The following TIAM2 variants were observed in gnomAD, a reference collection of about 807,000 sequenced individuals.
TIAM2 encodes TIAM Rac1 associated GEF 2, also known as rho guanine nucleotide exchange factor TIAM2.
Under a neutral mutation model 152.9 loss-of-function variants are expected in TIAM2, and 80 were observed. The ratio of observed to expected loss-of-function variants is 0.52; its 90% CI spans 0.44 to 0.63. The LOEUF (loss-of-function observed/expected upper bound fraction) is 0.63. Ranked by LOEUF, TIAM2 falls within the 30% of genes least tolerant of loss-of-function variation. The pLI, the probability that TIAM2 is intolerant of heterozygous loss-of-function variation, is 0.00. For missense variants in TIAM2, 1,965 were observed against 2,120.1 expected (o/e 0.93, Z 1.44); for synonymous variants, 804 against 838.0 (o/e 0.96, Z 0.70).
In TIAM2 at chr6:155,249,981, ATC is replaced by A. The variant is rs748818058; in HGVS notation, c.3951+14_3951+15del. On this transcript the variant is annotated intron_variant, in intron 21 of 26. Coordinates refer to ENST00000682666, the MANE Select transcript of TIAM2 (RefSeq NM_012454.4). Reference sequence around the variant, plus strand: ...GAACAGAGAAGGAGGTCCGTGAGACATCTGCACCCTGGGAGCCTAGTGCATGT... The same window carrying A: ...GAACAGAGAAGGAGGTCCGTGAGACATGCACCCTGGGAGCCTAGTGCATGT... The A allele has an allele frequency of 6.9e-5, 111 of 1,600,780 alleles. No homozygotes were observed. The African/African-American group carries it at 1.4e-3, about 20-fold the overall frequency.
intron 16 of TIAM2, among the ~76,000 whole-genome samples, chr6:155,241,921 T>C (rs1350347371): frequency 6.6e-6 from 1 of 152,214 alleles, no homozygotes; most frequent in Non-Finnish European, 1.5e-5. Context: ...CATGGAGCTC[T>C]TGCCCCAAGA....
intron 1 of TIAM2, among the ~76,000 whole-genome samples, chr6:155,019,601 C>T (rs538056944): frequency 9.7e-4 from 148 of 152,312 alleles, no homozygotes; most frequent in African/African-American, 3.5e-3. Context: ...TCCCCAAATA[C>T]GGCTTTTTGT....
At chr6:155,178,239 T>A in intron 10 of TIAM2, among the ~76,000 whole-genome samples, 1 of 151,200 alleles carries the variant, frequency 6.6e-6, no homozygotes. Context: ...GAGATAAATT[T>A]CTCACTGTTG....
At position 155,256,493 on chromosome 6, in the gene TIAM2, G is replaced by T; in HGVS notation, c.4478G>T (p.Arg1493Met). Residue 1493 changes from arginine (R) to methionine (M), a missense_variant, in exon 27 of 27, where the codon AGG becomes ATG. By Grantham distance (91) the Arg-to-Met change is moderately conservative (BLOSUM62 -1). Around this residue, in one of 3 missense-constraint regions of TIAM2, gnomAD observed 935 missense variants for 980.0 expected, o/e 0.95. Coordinates refer to ENST00000682666, the MANE Select transcript of TIAM2 (RefSeq NM_012454.4). ...VPVSAKLASS[R>M]SLKVLKNSSS... ...GTTTTTCTCACTGTAGCTTCATCCAGGTCTTTAAAAGTCCTGAAGAATTCC... is the reference window on the plus strand; with the variant it reads ...GTTTTTCTCACTGTAGCTTCATCCATGTCTTTAAAAGTCCTGAAGAATTCC... 1 of 1,614,152 alleles carries T rather than the reference G, an allele frequency of 6.2e-7. No individual in the cohort carries two copies. The highest frequency in any genetic ancestry group is 8.5e-7 in the Non-Finnish European group (1 of 1,180,032).
intron 10 of TIAM2, among the ~76,000 whole-genome samples, chr6:155,178,077 C>T (rs1780797205): frequency 6.6e-6 from 1 of 150,380 alleles, no homozygotes; most frequent in African/African-American, 2.5e-5. Flanking sequence ...AGGAGAATGG[C>T]GTCAACCTGG....
At chr6:155,153,904 G>A (rs1780038390) in intron 7 of TIAM2, among the ~76,000 whole-genome samples, 1 of 152,136 alleles carries the variant, frequency 6.6e-6, no homozygotes. Context: ...TTACAGGCGT[G>A]AAACCACTAT....
At chr6:155,087,551 C>T (rs1778199005) in intron 1 of TIAM2, among the ~76,000 whole-genome samples, 1 of 151,998 alleles carries the variant, frequency 6.6e-6, no homozygotes, top group South Asian at 2.1e-4. Context: ...GAGTTCGAGA[C>T]CAGCCTGGCC....
chr6:155,003,780 G>T (rs1015488332), intron 1 of TIAM2, among the ~76,000 whole-genome samples: 1 of 152,160 alleles, frequency 6.6e-6, no homozygotes, highest in Admixed American at 6.5e-5. Context: ...CCACGGTGGG[G>T]CAGGGAGGAG....
intron 4 of TIAM2, among the ~76,000 whole-genome samples, chr6:155,133,969 G>A (rs927593156): frequency 2.6e-5 from 4 of 152,018 alleles, no homozygotes; most frequent in African/African-American, 9.7e-5. Flanking sequence ...CACCCTCCTC[G>A]GCCTCCCAAA....
At chr6:154,999,853 A>G (rs1173184504) in intron 1 of TIAM2, among the ~76,000 whole-genome samples, 2 of 151,588 alleles carry the variant, frequency 1.3e-5, no homozygotes, top group African/African-American at 2.4e-5. Flanking sequence ...TAATTTTTGC[A>G]TTTTTAGTAC....
rs199611880 is a variant in TIAM2, at chr6:155,137,369, A to G, written c.1387A>G (p.Met463Val). 5.0e-6 allele frequency: 8 copies of G among 1,614,220 alleles called. No homozygotes were observed. In the East Asian group the frequency reaches 1.8e-4, roughly 36 times the overall value. Residue 463 changes from methionine to valine, a missense_variant, in exon 5 of 27, where the codon ATG becomes GTG. Around this residue, in one of 3 missense-constraint regions of TIAM2, gnomAD observed 1,025 missense variants for 1,119.4 expected, o/e 0.92. Coordinates refer to ENST00000682666, the MANE Select transcript of TIAM2 (RefSeq NM_012454.4). ...CCGGCAGAACATTTATGAGAATTTC[A>G]TGCGAGAGTTGGAAATGAGCAGGAC... is the stretch of plus-strand genomic sequence containing the variant. ...PLRQNIYENFMRELEMSRTNT... is the reference protein window; with the variant it reads ...PLRQNIYENFVRELEMSRTNT...
intron 22 of TIAM2, 44 bp from the exon 23 acceptor site, chr6:155,251,901 G>A (rs372966542): frequency 1.1e-4 from 170 of 1,497,056 alleles, no homozygotes; most frequent in Middle Eastern, 4.1e-4. Context: ...CCTTGGAAGA[G>A]TTTGCATAAA....
At position 155,157,651 on chromosome 6, in the gene TIAM2, G is replaced by A. The variant is rs551966203; in HGVS notation, c.2029-6764G>A. ...TAAGTACCGTGCACTAACTGATTGC[G>A]CCACTGGAGCACCAAGAAGTGCATT... On this transcript the variant is annotated intron_variant, in intron 7 of 26. Transcript: ENST00000682666. Among the ~76,000 whole-genome samples, 37 of 152,168 alleles carry A rather than the reference G, an allele frequency of 2.4e-4. 3 individuals are homozygous for A. The highest frequency in any genetic ancestry group is 8.4e-4 in the African/African-American group (35 of 41,516).
chr6:155,243,986 G>A, intron 16 of TIAM2, 25 bp from the exon 17 acceptor site: 1 of 1,605,492 alleles, frequency 6.2e-7, no homozygotes, highest in Non-Finnish European at 8.5e-7. Flanking sequence ...AAGCGTTGAA[G>A]ACACTTTCTT....
At chr6:155,169,153 G>A (rs1261721699) in intron 9 of TIAM2, among the ~76,000 whole-genome samples, 1 of 151,954 alleles carries the variant, frequency 6.6e-6, no homozygotes, top group Admixed American at 6.6e-5. Context: ...CCGCCACCAC[G>A]CCCGGCTAAT....
chr6:155,114,031 TATA>T (rs1184547670), intron 2 of TIAM2, among the ~76,000 whole-genome samples: 13 of 52,466 alleles, frequency 2.5e-4, no homozygotes, highest in African/African-American at 8.7e-4. Context: ...TATATATATA[TATA>T]TATTTTTTTT....
Position 155,254,242 on chromosome 6 carries a change from T to A in TIAM2, c.4314-177T>A, listed in dbSNP as rs1452052193. 2.9e-6 allele frequency: 3 copies of A among 1,024,922 alleles called. No individual in the cohort carries two copies. In the African/African-American group the frequency reaches 4.9e-5, roughly 17 times the overall value. 63.5% of individuals were successfully genotyped at this position (1,024,922 alleles called of 1,614,324 possible). A position where few individuals can be genotyped will look rare whatever the true frequency, so the allele number is the denominator to read the frequency against. On this transcript the variant is annotated intron_variant, in intron 25 of 26. Transcript: ENST00000682666. ...TGTTGATTAAATAAATATCAAAATC[T>A]TAAGAGTGATCAATTCTCACCTCCT...
chr6:155,215,977 T>C (rs929401156), intron 15 of TIAM2, among the ~76,000 whole-genome samples: 5 of 151,968 alleles, frequency 3.3e-5, no homozygotes, highest in Non-Finnish European at 7.4e-5. Flanking sequence ...CCGGATAATT[T>C]TGTTTATTTT....
Position 155,240,362 on chromosome 6 carries a change from C to T in TIAM2, c.3169-168C>T, listed in dbSNP as rs192551797. On this transcript the variant is annotated intron_variant, in intron 15 of 26. Transcript: ENST00000682666. Reference sequence around the variant, plus strand: ...GGCGCACATCTTCCTTACTCAGATCCGAAATGATAGCCAGAGGGGTTTGAG... The same window carrying T: ...GGCGCACATCTTCCTTACTCAGATCTGAAATGATAGCCAGAGGGGTTTGAG... Among the ~76,000 whole-genome samples the T allele has an allele frequency of 5.3e-5, 8 of 152,298 alleles. No individual in the cohort carries two copies. The East Asian group carries it at 1.2e-3, about 22-fold the overall frequency.
Sources: gnomAD v4.1 joint callset for allele counts (sites outside exome capture counted in the v4.1 genomes callset) on GRCh38, gnomAD v4.1.1 for gene constraint, gnomAD v4.1.1 regional missense constraint, MANE v1.5 for transcripts, NCBI Gene and HGNC (gene_info 2026-07-23, HGNC 2026-07-21) for gene names.